Variants in PLEKHG3 observed in about 807,000 individuals in gnomAD.
PLEKHG3 encodes the protein pleckstrin homology and RhoGEF domain containing G3.
PLEKHG3 carries 62 observed loss-of-function variants against 94.9 expected under a neutral mutation model. The observed-to-expected ratio is 0.65, with a 90% CI of 0.53 to 0.81. The LOEUF (loss-of-function observed/expected upper bound fraction) is 0.81, where lower values mean the gene tolerates loss of function less well. PLEKHG3 is among the 30% of genes least tolerant of loss of function. The probability of loss-of-function intolerance (pLI) is 0.00; values close to 1 mark genes in which losing one functional copy is unlikely to be tolerated. For synonymous variants in PLEKHG3, 614 were observed against 654.0 expected, an observed-to-expected ratio of 0.94 and a Z score of 0.93; for missense variants, 1,461 against 1,619.3, an observed-to-expected ratio of 0.90 and a Z score of 1.68.
intron 1 of PLEKHG3, among the ~76,000 whole-genome samples, chr14:64,712,428 A>G (rs1404478142): frequency 6.6e-6 from 1 of 152,130 alleles, no homozygotes; most frequent in African/African-American, 2.4e-5. Flanking sequence ...GTATTGCCAT[A>G]TTAACAATGT....
rs533635118 is a variant in PLEKHG3, at chr14:64,727,865, C to T, written c.234C>T (p.Phe78=). ...WLNVKGPLSP[F]NSRAAAGPAH... is the part of the protein sequence containing the mutation. ...ACGTGAAGGGGCCCCTCTCCCCGTT[C>T]AACAGCCGGGCAGCGGCAGGGCCTG... The change falls in exon 2 of 17, where the codon TTC becomes TTT. Residue 78 remains phenylalanine, a synonymous_variant. Coordinates refer to ENST00000247226, the MANE Select transcript of PLEKHG3 (RefSeq NM_001308147.2). The surrounding 1 kb of genome is among the most constrained non-coding windows in gnomAD (Gnocchi z 6.0). 18 of 1,613,404 alleles carry T rather than the reference C, an allele frequency of 1.1e-5. No individual in the cohort carries two copies. In the South Asian group the frequency reaches 1.8e-4, roughly 16 times the overall value.
chr14:64,713,562 T>C (rs2081091645), intron 1 of PLEKHG3, among the ~76,000 whole-genome samples: 1 of 152,240 alleles, frequency 6.6e-6, no homozygotes, highest in Non-Finnish European at 1.5e-5. Flanking sequence ...CATTGGCATA[T>C]AGTTCATGAC....
chr14:64,715,824 T>C lies in PLEKHG3; in HGVS notation c.-40+11120T>C, dbSNP rs1409289401. The C allele has an allele frequency of 2.9e-6, 1 of 341,988 alleles. No individual in the cohort carries two copies. 21.2% of individuals were successfully genotyped at this position (341,988 alleles called of 1,614,324 possible). The stretch of plus-strand genomic sequence containing the variant: ...GACCTGCAGAATTGTGTCGGGAAGT[T>C]GCATTTCCTGGGCTAGGGCCCCCCA... On this transcript the variant is annotated intron_variant, in intron 1 of 16. Coordinates refer to ENST00000247226, the MANE Select transcript of PLEKHG3 (RefSeq NM_001308147.2). The surrounding 1 kb of genome is among the most constrained non-coding windows in gnomAD (Gnocchi z 4.4).
rs1401189958 is a variant in PLEKHG3 at position 64,749,598 on chromosome 14, G to A, written c.*5895G>A. 6.2e-6 allele frequency: 10 copies of A among 1,610,916 alleles called. No homozygotes were observed. The African/African-American group carries it at 1.1e-4, about 17-fold the overall frequency. On this transcript the variant is annotated 3_prime_UTR_variant, in exon 17 of 17. Coordinates refer to ENST00000247226, the MANE Select transcript of PLEKHG3 (RefSeq NM_001308147.2). This position sits in a 1 kb window ranked among gnomAD's most constrained non-coding sequence, Gnocchi z 4.7. ...GGGGGCCTCCAGGGCAAGCGGCCTG[G>A]GGTCCTCCACCTACCCCCTTCTTAG... is the stretch of plus-strand genomic sequence containing the variant.
rs144635448 is a variant in PLEKHG3 at position 64,716,224 on chromosome 14, G to T, written c.-39-11369G>T. The T allele has an allele frequency of 2.5e-5, 9 of 359,662 alleles. No homozygotes were observed. Among genetic ancestry groups the T allele is most frequent in the Non-Finnish European group, 3.9e-5 (7 of 180,114 alleles). 22.3% of individuals were successfully genotyped at this position (359,662 alleles called of 1,614,324 possible). A position where few individuals can be genotyped will look rare whatever the true frequency, so the allele number is the denominator to read the frequency against. On this transcript the variant is annotated intron_variant, in intron 1 of 16. Transcript: ENST00000247226. This position sits in a 1 kb window ranked among gnomAD's most constrained non-coding sequence, Gnocchi z 5.0. ...CCAATCACAGGCTTTAGGGTAAAAG[G>T]CAGGTTTTTCCCTTGTGGGTTAGAC...
At position 64,732,721 on chromosome 14, in the gene PLEKHG3, T is replaced by C. The variant is rs2081492333; in HGVS notation, c.1247-82T>C. On this transcript the variant is annotated intron_variant, in intron 11 of 16. Transcript: ENST00000247226. This position sits in a 1 kb window ranked among gnomAD's most constrained non-coding sequence, Gnocchi z 4.9. ...CCCTGGAGCTGGGTGGGTATAGAGG[T>C]CTGGCTGGTTATGGACAGGGTCTAG... 1.9e-6 allele frequency: 2 copies of C among 1,070,622 alleles called. No individual in the cohort carries two copies. The highest frequency in any genetic ancestry group is 5.1e-5 in the East Asian group (2 of 38,954). 66.3% of individuals were successfully genotyped at this position (1,070,622 alleles called of 1,614,324 possible).
Position 64,749,332 on chromosome 14 carries a change from A to G in PLEKHG3, c.*5629A>G, listed in dbSNP as rs2139415149. The G allele has an allele frequency of 6.2e-7, 1 of 1,609,036 alleles. No homozygotes were observed. The highest frequency in any genetic ancestry group is 1.7e-4 in the Middle Eastern group (1 of 6,058). On this transcript the variant is annotated 3_prime_UTR_variant, in exon 17 of 17. Coordinates refer to ENST00000247226, the MANE Select transcript of PLEKHG3 (RefSeq NM_001308147.2). This position sits in a 1 kb window ranked among gnomAD's most constrained non-coding sequence, Gnocchi z 4.7. The stretch of plus-strand genomic sequence containing the variant: ...TACTTCTTTTTGGGGAAGAAGCTGA[A>G]TCTCTTCTCCTTGTCTTTCTTGCCG...
At chr14:64,714,529 G>C (rs570988289) in intron 1 of PLEKHG3, among the ~76,000 whole-genome samples, 45 of 152,140 alleles carry the variant, frequency 3.0e-4, no homozygotes, top group Non-Finnish European at 5.4e-4. Context: ...TGGCCGTCTT[G>C]CTTACTGGAA....
Position 64,726,062 on chromosome 14 carries a change from C to T in PLEKHG3, c.-39-1531C>T, listed in dbSNP as rs2081346619. Among the ~76,000 whole-genome samples, 1 of 152,016 alleles carries T rather than the reference C, an allele frequency of 6.6e-6. No homozygotes were observed. Among genetic ancestry groups the T allele is most frequent in the Admixed American group, 6.6e-5 (1 of 15,266 alleles). ...CAGGTTTGGGGGATATTGGAAGGTT[C>T]CTGGAGGGGGCGATGTCTAATTGGA... On this transcript the variant is annotated intron_variant, in intron 1 of 16. Transcript: ENST00000247226. This position sits in a 1 kb window ranked among gnomAD's most constrained non-coding sequence, Gnocchi z 5.1.
At position 64,725,665 on chromosome 14, in the gene PLEKHG3, G is replaced by A. The variant is rs74056402; in HGVS notation, c.-39-1928G>A. On this transcript the variant is annotated intron_variant, in intron 1 of 16. Transcript: ENST00000247226. The surrounding 1 kb of genome is among the most constrained non-coding windows in gnomAD (Gnocchi z 5.0). ...ATGATCCTGCTAATTAGCCCTCTGG[G>A]CATTGCACTGGGCTGCGGAGGGGAG... is the stretch of plus-strand genomic sequence containing the variant. 8.6e-3 allele frequency among the ~76,000 whole-genome samples: 1,304 copies of A among 152,276 alleles called. 23 individuals are homozygous for A. Among genetic ancestry groups the A allele is most frequent in the African/African-American group, 0.03 (1,232 of 41,548 alleles).
In PLEKHG3 at chr14:64,716,941, TTGGATGA is replaced by T; in HGVS notation, c.-39-10651_-39-10645del. 6.6e-6 allele frequency among the ~76,000 whole-genome samples: 1 copy of T among 152,068 alleles called. No individual in the cohort carries two copies. The highest frequency in any genetic ancestry group is 1.9e-4 in the East Asian group (1 of 5,168). ...TGCCCCTCCTCTACCCAGGAACTGG[TTGGATGA>T]GTTTCTTAGGCGTCTCTGGTGAGGC... On this transcript the variant is annotated intron_variant, in intron 1 of 16. Transcript: ENST00000247226. The surrounding 1 kb of genome is among the most constrained non-coding windows in gnomAD (Gnocchi z 5.0).
intron 12 of PLEKHG3, among the ~76,000 whole-genome samples, chr14:64,736,175 C>A (rs1210045021): frequency 6.6e-6 from 1 of 152,254 alleles, no homozygotes; most frequent in Non-Finnish European, 1.5e-5. Context: ...GACCTTGAGA[C>A]AAGGTCCTCT....
At chr14:64,736,613 G>A (rs2081574373) in intron 12 of PLEKHG3, among the ~76,000 whole-genome samples, 1 of 152,168 alleles carries the variant, frequency 6.6e-6, no homozygotes, top group Non-Finnish European at 1.5e-5. Context: ...GTACTGCTCC[G>A]GCAGGGCTGG....
At position 64,749,675 on chromosome 14, in the gene PLEKHG3, C is replaced by T; in HGVS notation, c.*5972C>T. ...TTACCTCATCCTTGCCATGGAAGAG[C>T]CACTCGCTGCCATTACTCAGCCTAG... On this transcript the variant is annotated 3_prime_UTR_variant, in exon 17 of 17. Coordinates refer to ENST00000247226, the MANE Select transcript of PLEKHG3 (RefSeq NM_001308147.2). The surrounding 1 kb of genome is among the most constrained non-coding windows in gnomAD (Gnocchi z 4.7). The T allele has an allele frequency of 6.2e-7, 1 of 1,613,798 alleles. No individual in the cohort carries two copies. Among genetic ancestry groups the T allele is most frequent in the South Asian group, 1.1e-5 (1 of 91,080 alleles).
At chr14:64,708,665 C>T (rs1036359069) in intron 1 of PLEKHG3, among the ~76,000 whole-genome samples, 2 of 152,294 alleles carry the variant, frequency 1.3e-5, no homozygotes, top group East Asian at 1.9e-4. Context: ...GCTGGAACCA[C>T]GGGCCTACAA....
chr14:64,737,065 G>C (rs1251511886), intron 13 of PLEKHG3, 174 bp downstream of exon 13: 4 of 685,182 alleles, frequency 5.8e-6, no homozygotes, highest in African/African-American at 1.8e-5. Context: ...TGGCTGAGGA[G>C]AGGGGCTGGA....
chr14:64,742,846 G>A lies in PLEKHG3; in HGVS notation c.2939-136G>A, dbSNP rs570025920. The A allele has an allele frequency of 3.2e-5, 25 of 778,854 alleles. No individual in the cohort carries two copies. The African/African-American group carries it at 4.3e-4, about 13-fold the overall frequency. 48.2% of individuals were successfully genotyped at this position (778,854 alleles called of 1,614,324 possible). ...TCATGAAAGAGGCTGTGGATGGTAA[G>A]TGAGATTTCTCCCATCACACCCAAA... On this transcript the variant is annotated intron_variant, in intron 16 of 16. Coordinates refer to ENST00000247226, the MANE Select transcript of PLEKHG3 (RefSeq NM_001308147.2).
In PLEKHG3 at chr14:64,723,251, T is replaced by C. The variant is rs558933096; in HGVS notation, c.-39-4342T>C. Among the ~76,000 whole-genome samples the C allele has an allele frequency of 3.9e-5, 6 of 152,274 alleles. No individual in the cohort carries two copies. The South Asian group carries it at 1.2e-3, about 32-fold the overall frequency. On this transcript the variant is annotated intron_variant, in intron 1 of 16. Coordinates refer to ENST00000247226, the MANE Select transcript of PLEKHG3 (RefSeq NM_001308147.2). This position sits in a 1 kb window ranked among gnomAD's most constrained non-coding sequence, Gnocchi z 4.5. ...CTGCCCCTGGATCCTTAAAGGTGTA[T>C]GTCTGAGCTGCTGCTTAGGCCCATC...
Position 64,737,247 on chromosome 14 carries a change from A to G in PLEKHG3, c.1385-109A>G, listed in dbSNP as rs1416334917. On this transcript the variant is annotated intron_variant, in intron 13 of 16. Coordinates refer to ENST00000247226, the MANE Select transcript of PLEKHG3 (RefSeq NM_001308147.2). ...CTGGGAGCAGGAGCCCCCAGTGAGG[A>G]CTTCCCCAGGGAGCTGTCCAGAGGT... The G allele has an allele frequency of 4.9e-6, 4 of 808,400 alleles. No individual in the cohort carries two copies. The African/African-American group carries it at 6.8e-5, about 14-fold the overall frequency. The allele number at this position is 808,400 out of a possible 1,614,324, so 50.1% of individuals were successfully genotyped here.
Sources: gnomAD v4.1 joint callset for allele counts (sites outside exome capture counted in the v4.1 genomes callset) on GRCh38, gnomAD v4.1.1 for gene constraint, Gnocchi (gnomAD v3.1) non-coding constraint, MANE v1.5 for transcripts, NCBI Gene and HGNC (gene_info 2026-07-23, HGNC 2026-07-21) for gene names.